The following TSPAN5 variants were observed in gnomAD, a reference collection of about 807,000 sequenced individuals.
TSPAN5 encodes the protein tetraspanin-5.
A neutral mutation model predicts 37.1 loss-of-function variants in TSPAN5; 10 were observed. That is an observed-to-expected ratio of 0.27 (90% CI 0.17 to 0.46). TSPAN5 has a LOEUF of 0.46. Ranked by LOEUF, TSPAN5 falls within the 20% of genes least tolerant of loss-of-function variation. The pLI, the probability that TSPAN5 is intolerant of heterozygous loss-of-function variation, is 1.00. For missense variants in TSPAN5, 195 were observed against 326.6 expected (o/e 0.60, Z 3.11); for synonymous variants, 110 against 118.9 (o/e 0.93, Z 0.48).
intron 1 of TSPAN5, among the ~76,000 whole-genome samples, chr4:98,553,465 T>A (rs977017253): frequency 6.6e-6 from 1 of 152,186 alleles, no homozygotes; most frequent in African/African-American, 2.4e-5. Context: ...GTTATCTTGA[T>A]AATGGGGAAA....
chr4:98,651,864 CTTTTTTTT>C (rs552597633), intron 1 of TSPAN5, among the ~76,000 whole-genome samples: 2 of 95,242 alleles, frequency 2.1e-5, no homozygotes, highest in African/African-American at 9.4e-5. Context: ...CTTCAACATA[CTTTTTTTT>C]TTTTTTTTTT....
intron 1 of TSPAN5, among the ~76,000 whole-genome samples, chr4:98,620,949 T>C (rs1390187820): frequency 1.3e-5 from 2 of 152,202 alleles, no homozygotes; most frequent in African/African-American, 4.8e-5. Flanking sequence ...ATTCACATAT[T>C]GAAGTCATTA....
At chr4:98,617,217 T>C (rs117657998) in intron 1 of TSPAN5, among the ~76,000 whole-genome samples, 1 of 152,112 alleles carries the variant, frequency 6.6e-6, no homozygotes, top group Non-Finnish European at 1.5e-5. Context: ...CCAAAATACA[T>C]GTATACCTAA....
chr4:98,567,731 A>C (rs1253580872), intron 1 of TSPAN5, among the ~76,000 whole-genome samples: 2 of 151,986 alleles, frequency 1.3e-5, no homozygotes, highest in Non-Finnish European at 2.9e-5. Flanking sequence ...AGGGGCCTGG[A>C]AAGGCAGGGA....
chr4:98,471,656 A>C lies in TSPAN5; in HGVS notation c.*866T>G, dbSNP rs1401163645. On this transcript the variant is annotated 3_prime_UTR_variant, in exon 8 of 8. Transcript: ENST00000305798. The stretch of plus-strand genomic sequence containing the variant: ...CTTTCACCTTTGGAAGACGAAAAAC[A>C]ACAAACATACAAAACAAAATGACCC... 1 of 152,250 alleles carries C rather than the reference A, an allele frequency of 6.6e-6. No individual in the cohort carries two copies. The highest frequency in any genetic ancestry group is 1.5e-5 in the Non-Finnish European group (1 of 68,038). 9.4% of individuals were successfully genotyped at this position (152,250 alleles called of 1,614,324 possible).
intron 1 of TSPAN5, among the ~76,000 whole-genome samples, chr4:98,552,374 A>T (rs1754642959): frequency 6.6e-6 from 1 of 152,220 alleles, no homozygotes; most frequent in African/African-American, 2.4e-5. Context: ...AGTATCTCAC[A>T]GGTTTCACTA....
At chr4:98,636,398 A>G (rs1485660805) in intron 1 of TSPAN5, among the ~76,000 whole-genome samples, 1 of 152,218 alleles carries the variant, frequency 6.6e-6, no homozygotes, top group East Asian at 1.9e-4. Context: ...CAAGTAGGCA[A>G]GGTTCCTATA....
chr4:98,627,473 T>C lies in TSPAN5; in HGVS notation c.81+30673A>G, dbSNP rs980519040. The stretch of plus-strand genomic sequence containing the variant: ...AGTAAATGCAATGCATCAAATGATC[T>C]GTGAATAAAATGCCCACTGAATAAA... On this transcript the variant is annotated intron_variant, in intron 1 of 7. Transcript: ENST00000305798. 2.0e-5 allele frequency among the ~76,000 whole-genome samples: 3 copies of C among 151,886 alleles called. No homozygotes were observed. In the East Asian group the frequency reaches 5.8e-4, roughly 29 times the overall value.
At chr4:98,519,927 C>A (rs908913571) in intron 1 of TSPAN5, among the ~76,000 whole-genome samples, 3 of 152,180 alleles carry the variant, frequency 2.0e-5, no homozygotes, top group Non-Finnish European at 4.4e-5. Context: ...TGGAATCTAT[C>A]TCGTGGGGTC....
chr4:98,591,965 T>A (rs1006175343), intron 1 of TSPAN5, among the ~76,000 whole-genome samples: 19 of 151,634 alleles, frequency 1.3e-4, no homozygotes, highest in African/African-American at 4.6e-4. Flanking sequence ...TAAAGATTTA[T>A]TATAATGCTA....
intron 1 of TSPAN5, among the ~76,000 whole-genome samples, chr4:98,548,780 CTTTCTG>C (rs1333220804): frequency 6.6e-6 from 1 of 152,014 alleles, no homozygotes; most frequent in Non-Finnish European, 1.5e-5. Context: ...TGGCATTTGC[CTTTCTG>C]TTTCTGAGTT....
chr4:98,569,897 A>T (rs1421704763), intron 1 of TSPAN5, among the ~76,000 whole-genome samples: 2 of 152,172 alleles, frequency 1.3e-5, no homozygotes, highest in Non-Finnish European at 2.9e-5. Context: ...AATGTACCAG[A>T]TATTACTCTG....
At chr4:98,518,783 A>G (rs1286784389) in intron 1 of TSPAN5, among the ~76,000 whole-genome samples, 1 of 152,180 alleles carries the variant, frequency 6.6e-6, no homozygotes, top group African/African-American at 2.4e-5. Context: ...CTACATCAGA[A>G]ACTCTGGGGG....
At chr4:98,482,305 T>G in intron 3 of TSPAN5, 130 bp from the exon 4 acceptor site, 1 of 743,432 alleles carries the variant, frequency 1.3e-6, no homozygotes, top group Non-Finnish European at 2.1e-6. Context: ...CAGATAATCT[T>G]CAGTTTCTGC....
At chr4:98,514,477 T>C (rs949481285) in intron 1 of TSPAN5, among the ~76,000 whole-genome samples, 1 of 152,226 alleles carries the variant, frequency 6.6e-6, no homozygotes, top group Admixed American at 6.5e-5. Context: ...AAATTCAATA[T>C]GCAGAAAGTC....
At chr4:98,513,863 T>TAGATAGAC (rs1424529126) in intron 1 of TSPAN5, among the ~76,000 whole-genome samples, 2 of 53,902 alleles carry the variant, frequency 3.7e-5, no homozygotes, top group Non-Finnish European at 7.8e-5. Flanking sequence ...AAAAAGCAAA[T>TAGATAGAC]AGATAGATAG....
Position 98,605,843 on chromosome 4 carries a change from C to T in TSPAN5, c.81+52303G>A, listed in dbSNP as rs148310409. 3.2e-3 allele frequency among the ~76,000 whole-genome samples: 485 copies of T among 152,294 alleles called. 6 individuals are homozygous for T. The highest frequency in any genetic ancestry group is 0.011 in the African/African-American group (471 of 41,544). ...CAGCATTGGTCAAAAAAATCACGAA[C>T]CATTGTGAAATAAACACCTCCCTGT... is the stretch of plus-strand genomic sequence containing the variant. On this transcript the variant is annotated intron_variant, in intron 1 of 7. Transcript: ENST00000305798.
chr4:98,556,041 CCACA>C (rs369935390), intron 1 of TSPAN5, among the ~76,000 whole-genome samples: 9 of 101,620 alleles, frequency 8.9e-5, no homozygotes, highest in African/African-American at 2.3e-4. Context: ...CACAGCACCC[CCACA>C]CACACACACA....
intron 1 of TSPAN5, among the ~76,000 whole-genome samples, chr4:98,559,160 C>G (rs1347305906): frequency 6.6e-6 from 1 of 152,084 alleles, no homozygotes; most frequent in African/African-American, 2.4e-5. Flanking sequence ...AGTAACGACA[C>G]TAAGACAATT....
Sources: allele counts gnomAD v4.1 joint callset (sites outside exome capture counted in the v4.1 genomes callset), GRCh38; gene constraint gnomAD v4.1.1; transcripts MANE v1.5; gene names NCBI Gene and HGNC (gene_info 2026-07-23, HGNC 2026-07-21).